Variants in GAS7 observed in about 807,000 individuals in gnomAD.
GAS7 encodes the protein growth arrest specific 7, also known as growth arrest-specific protein 7.
Under a neutral mutation model 71.1 loss-of-function variants are expected in GAS7, and 28 were observed. That is an observed-to-expected ratio of 0.39 (90% CI 0.29 to 0.54). The LOEUF (loss-of-function observed/expected upper bound fraction) is 0.54, where lower values mean the gene tolerates loss of function less well. Ranked by LOEUF, GAS7 falls within the 20% of genes least tolerant of loss-of-function variation. The probability of loss-of-function intolerance (pLI) is 0.62; values close to 1 mark genes in which losing one functional copy is unlikely to be tolerated. For synonymous variants in GAS7, 258 were observed against 245.8 expected (o/e 1.05, Z -0.46); for missense variants, 436 against 627.8 (o/e 0.69, Z 3.27).
chr17:9,969,651 A>T lies in GAS7; in HGVS notation c.471+26T>A. The T allele has an allele frequency of 7.2e-7, 1 of 1,394,638 alleles. No individual in the cohort carries two copies. The highest frequency in any genetic ancestry group is 1.0e-6 in the Non-Finnish European group (1 of 979,676). 86.4% of individuals were successfully genotyped at this position (1,394,638 alleles called of 1,614,324 possible). A position where few individuals can be genotyped will look rare whatever the true frequency, so the allele number is the denominator to read the frequency against. On this transcript the variant is annotated intron_variant, in intron 4 of 13. Coordinates refer to ENST00000432992, the MANE Select transcript of GAS7 (RefSeq NM_201433.2). The surrounding 1 kb of genome is among the most constrained non-coding windows in gnomAD (Gnocchi z 5.5). ...TAGGCCTGCAGAAGCAGTGACCGCT[A>T]TACCTCCCTCAACAGGACCCCTTAC...
At chr17:10,190,267 C>G (rs1180067594) in intron 1 of GAS7, among the ~76,000 whole-genome samples, 1 of 152,128 alleles carries the variant, frequency 6.6e-6, no homozygotes, top group African/African-American at 2.4e-5. Context: ...TTTGCCAACG[C>G]AAGTTAAGAA....
chr17:9,932,894 C>T (rs995800843), intron 9 of GAS7, among the ~76,000 whole-genome samples: 11 of 152,100 alleles, frequency 7.2e-5, no homozygotes, highest in African/African-American at 2.4e-4. Flanking sequence ...GCTTTATGGT[C>T]GGGAGTGGTG....
intron 1 of GAS7, among the ~76,000 whole-genome samples, chr17:10,051,058 T>C (rs1369652426): frequency 1.3e-5 from 2 of 152,192 alleles, no homozygotes; most frequent in African/African-American, 4.8e-5. Flanking sequence ...GAAGCTCAAA[T>C]GCAGGTTCCA....
intron 2 of GAS7, among the ~76,000 whole-genome samples, chr17:10,007,872 C>CA (rs1184845059): frequency 1.3e-5 from 2 of 151,298 alleles, no homozygotes; most frequent in African/African-American, 4.9e-5. Context: ...ACCCTGTACC[C>CA]ATCAGCAGTC....
intron 1 of GAS7, among the ~76,000 whole-genome samples, chr17:10,084,820 C>G (rs548825160): frequency 3.3e-5 from 5 of 152,282 alleles, no homozygotes; most frequent in African/African-American, 1.2e-4. Flanking sequence ...ATTCTCTCTC[C>G]CCTGCTGGGC....
At chr17:9,946,297 C>T (rs926554151) in intron 6 of GAS7, among the ~76,000 whole-genome samples, 2 of 152,156 alleles carry the variant, frequency 1.3e-5, no homozygotes, top group Non-Finnish European at 2.9e-5. Flanking sequence ...CCATTTTAGC[C>T]ATTTTTAAGA....
Position 10,006,618 on chromosome 17 carries a change from C to T in GAS7, c.304+13159G>A, listed in dbSNP as rs538757566. 1.4e-4 allele frequency among the ~76,000 whole-genome samples: 22 copies of T among 152,212 alleles called. No individual in the cohort carries two copies. In the South Asian group the frequency reaches 1.9e-3, roughly 13 times the overall value. On this transcript the variant is annotated intron_variant, in intron 2 of 13. Coordinates refer to ENST00000432992, the MANE Select transcript of GAS7 (RefSeq NM_201433.2). Reference sequence around the variant, plus strand: ...TGCTGGGATTACAGGCGCGAGCCACCGTGCCCGGCCGCCCCAAATTCTTTG... The same window carrying T: ...TGCTGGGATTACAGGCGCGAGCCACTGTGCCCGGCCGCCCCAAATTCTTTG...
At chr17:10,160,749 G>A (rs915359093) in intron 1 of GAS7, among the ~76,000 whole-genome samples, 2 of 152,142 alleles carry the variant, frequency 1.3e-5, no homozygotes, top group African/African-American at 4.8e-5. Context: ...ATGTTGCCTA[G>A]GCTGAATAGC....
At position 9,918,002 on chromosome 17, in the gene GAS7, C is replaced by G. The variant is rs1357662469; in HGVS notation, c.1316G>C (p.Ser439Thr). The change falls in exon 13 of 14, where the codon AGC becomes ACC. Residue 439 changes from serine to threonine, a missense_variant and splice_region_variant. Physicochemically the swap from Ser to Thr is moderately conservative, Grantham distance 58. Coordinates refer to ENST00000432992, the MANE Select transcript of GAS7 (RefSeq NM_201433.2). ...LRHETDMFNQ[S>T]TVEPVDQLLR... is the part of the protein sequence containing the mutation. ...AGCCCCGCTGGGCTGGAAACTCACG[C>G]TTTGGTTGAACATGTCTGTTTCATG... 1 of 1,611,148 alleles carries G rather than the reference C, an allele frequency of 6.2e-7. No individual in the cohort carries two copies. Among genetic ancestry groups the G allele is most frequent in the South Asian group, 1.1e-5 (1 of 91,002 alleles).
chr17:10,046,290 C>T (rs2072954047), intron 1 of GAS7, among the ~76,000 whole-genome samples: 1 of 152,024 alleles, frequency 6.6e-6, no homozygotes, highest in South Asian at 2.1e-4. Context: ...CATCTGACAG[C>T]TGCCCCAGGA....
Position 9,959,499 on chromosome 17 carries a change from C to T in GAS7, c.472-244G>A, listed in dbSNP as rs758228928. The T allele has an allele frequency of 6.7e-6, 9 of 1,351,384 alleles. No homozygotes were observed. The highest frequency in any genetic ancestry group is 7.7e-6 in the Non-Finnish European group (8 of 1,043,526). The allele number at this position is 1,351,384 out of a possible 1,614,324, so 83.7% of individuals were successfully genotyped here. ...CTGCACAGGCTCTGAGAGAACTGCT[C>T]CAAACCAGGTCTCCCCTCCTCTTCT... On this transcript the variant is annotated intron_variant, in intron 4 of 13. Transcript: ENST00000432992. The surrounding 1 kb of genome is among the most constrained non-coding windows in gnomAD (Gnocchi z 5.0).
In GAS7 at chr17:10,081,185, G is replaced by A. The variant is rs187393991; in HGVS notation, c.184-61288C>T. Among the ~76,000 whole-genome samples, 22 of 152,154 alleles carry A rather than the reference G, an allele frequency of 1.4e-4. No homozygotes were observed. In the East Asian group the frequency reaches 2.1e-3, roughly 15 times the overall value. Reference sequence around the variant, plus strand: ...TTTTTTTTTCTTGAGACGGAGTCTCGCTCTTGTTGCCTAGGCTGGAGTGCG... The same window carrying A: ...TTTTTTTTTCTTGAGACGGAGTCTCACTCTTGTTGCCTAGGCTGGAGTGCG... On this transcript the variant is annotated intron_variant, in intron 1 of 13. Transcript: ENST00000432992.
intron 1 of GAS7, among the ~76,000 whole-genome samples, chr17:10,021,734 G>C (rs2152208923): frequency 6.6e-6 from 1 of 152,312 alleles, no homozygotes; most frequent in Middle Eastern, 3.4e-3. Flanking sequence ...CCACATCTGG[G>C]CAGGTTTACC....
In GAS7 at chr17:9,926,789, G is replaced by A. The variant is rs546298060; in HGVS notation, c.886-20C>T. 178 of 1,613,592 alleles carry A rather than the reference G, an allele frequency of 1.1e-4. No individual in the cohort carries two copies. Among genetic ancestry groups the A allele is most frequent in the Non-Finnish European group, 1.4e-4 (162 of 1,179,612 alleles). On this transcript the variant is annotated intron_variant, in intron 9 of 13. Transcript: ENST00000432992. This position sits in a 1 kb window ranked among gnomAD's most constrained non-coding sequence, Gnocchi z 5.0. Reference sequence around the variant, plus strand: ...GTGAAGCTGTTGGGAGAGTAGAGACGCACACTCAGGACCCAGGGCATCAGC... The same window carrying A: ...GTGAAGCTGTTGGGAGAGTAGAGACACACACTCAGGACCCAGGGCATCAGC...
Position 10,117,520 on chromosome 17 carries a change from G to A in GAS7, c.183+80688C>T, listed in dbSNP as rs73273883. On this transcript the variant is annotated intron_variant, in intron 1 of 13. Coordinates refer to ENST00000432992, the MANE Select transcript of GAS7 (RefSeq NM_201433.2). ...CATTTAAAGAAACACCACGGAAGGC[G>A]GAGGACAGAGGCAGGAGTGACACAG... 6.9e-3 allele frequency among the ~76,000 whole-genome samples: 1,044 copies of A among 152,282 alleles called. 8 individuals carry two copies. Among genetic ancestry groups the A allele is most frequent in the African/African-American group, 0.024 (994 of 41,556 alleles).
chr17:10,079,547 T>C (rs1219906573), intron 1 of GAS7, among the ~76,000 whole-genome samples: 3 of 152,228 alleles, frequency 2.0e-5, no homozygotes, highest in Admixed American at 6.5e-5. Context: ...CATTCCTTTC[T>C]ATTGATAAGT....
chr17:10,151,777 T>C (rs576676580), intron 1 of GAS7, among the ~76,000 whole-genome samples: 84 of 152,208 alleles, frequency 5.5e-4, no homozygotes, highest in African/African-American at 2.0e-3. Flanking sequence ...AACTCCTGGC[T>C]TCAAGCGCTC....
rs1040848377 is a variant in GAS7 at position 9,941,096 on chromosome 17, A to G, written c.732-896T>C. 6.6e-5 allele frequency among the ~76,000 whole-genome samples: 10 copies of G among 152,316 alleles called. No individual in the cohort carries two copies. The East Asian group carries it at 1.9e-3, about 29-fold the overall frequency. On this transcript the variant is annotated intron_variant, in intron 7 of 13. Coordinates refer to ENST00000432992, the MANE Select transcript of GAS7 (RefSeq NM_201433.2). ...ACCCAAAGGGTGCGATGATGGAGAG[A>G]GGGCGGCTGACAAAGTCTGGCGGCA...
intron 1 of GAS7, among the ~76,000 whole-genome samples, chr17:10,092,743 G>A (rs1396638282): frequency 6.6e-6 from 1 of 152,186 alleles, no homozygotes; most frequent in Non-Finnish European, 1.5e-5. Flanking sequence ...GAGGCTCTAG[G>A]GGAAAATTGT....
Sources: allele counts gnomAD v4.1 joint callset (sites outside exome capture counted in the v4.1 genomes callset), GRCh38; gene constraint gnomAD v4.1.1; non-coding constraint Gnocchi (gnomAD v3.1); transcripts MANE v1.5; gene names NCBI Gene and HGNC (gene_info 2026-07-23, HGNC 2026-07-21).